DOCK8: variants seen among roughly 807,000 people sequenced by gnomAD.
DOCK8 encodes the protein dedicator of cytokinesis protein 8.
In DOCK8, 141 loss-of-function variants were observed where a neutral mutation model predicts 245.6. The observed-to-expected ratio is 0.57, with a 90% confidence interval of 0.50 to 0.66. The LOEUF (loss-of-function observed/expected upper bound fraction) is 0.66. DOCK8 is among the 30% of genes least tolerant of loss of function. The probability of loss-of-function intolerance (pLI) is 0.00; values close to 1 mark genes in which losing one functional copy is unlikely to be tolerated. For synonymous variants in DOCK8, 1,168 were observed against 970.2 expected (o/e 1.20, Z -3.79); for missense variants, 2,965 against 2,603.4 (o/e 1.14, Z -3.02).
At chr9:389,108 G>A (rs1013939577) in intron 23 of DOCK8, among the ~76,000 whole-genome samples, 3 of 152,166 alleles carry the variant, frequency 2.0e-5, no homozygotes, top group African/African-American at 7.2e-5. Context: ...TAATTAGGGT[G>A]ACCAACTGTT....
intron 43 of DOCK8, among the ~76,000 whole-genome samples, chr9:445,721 A>G (rs1468152879): frequency 7.6e-6 from 1 of 132,202 alleles, no homozygotes; most frequent in Non-Finnish European, 1.6e-5. Context: ...CACTGGAGTG[A>G]CATTTGGGTT....
intron 4 of DOCK8, among the ~76,000 whole-genome samples, chr9:295,330 G>T (rs74660531): frequency 1.3e-5 from 2 of 152,110 alleles, no homozygotes; most frequent in African/African-American, 4.8e-5. Flanking sequence ...TGCCCTTTGC[G>T]TGGTGCTGGG....
At chr9:401,024 TCCTTCA>T (rs2055060543) in intron 26 of DOCK8, among the ~76,000 whole-genome samples, 6 of 92,334 alleles carry the variant, frequency 6.5e-5, no homozygotes, top group Non-Finnish European at 1.1e-4. Context: ...CATGACCACC[TCCTTCA>T]CCTCCACCAT....
intron 12 of DOCK8, 41 bp from the exon 13 acceptor site, chr9:338,965 C>A: frequency 1.3e-6 from 2 of 1,560,088 alleles, no homozygotes; most frequent in South Asian, 1.1e-5. Context: ...ACCCAAGAGT[C>A]AAAGGTGCAT....
intron 14 of DOCK8, among the ~76,000 whole-genome samples, chr9:354,349 T>G (rs2052323181): frequency 6.6e-6 from 1 of 152,200 alleles, no homozygotes; most frequent in Non-Finnish European, 1.5e-5. Context: ...ATTATGTCCT[T>G]AGACCAGGAG....
chr9:345,523 C>T (rs1208529689), intron 14 of DOCK8, among the ~76,000 whole-genome samples: 2 of 152,156 alleles, frequency 1.3e-5, no homozygotes, highest in Admixed American at 1.3e-4. Context: ...ACCAGAGTCA[C>T]ACATTTTAGG....
chr9:339,173 G>T, intron 13 of DOCK8, 74 bp downstream of exon 13: 1 of 1,255,648 alleles, frequency 8.0e-7, no homozygotes, highest in Non-Finnish European at 1.2e-6. Context: ...TTTGTCTAAT[G>T]CCAGAATTTA....
chr9:406,993 G>C lies in DOCK8; in HGVS notation c.3454G>C (p.Glu1152Gln). Reference sequence around the variant, plus strand: ...CGCCAGCATGTTCGATCTGACTTCCGAGTACCGCCAGCAGCACTTCCTCAC... The same window carrying C: ...CGCCAGCATGTTCGATCTGACTTCCCAGTACCGCCAGCAGCACTTCCTCAC... ...KIASMFDLTS[E>Q]YRQQHFLTGL... Residue 1152 changes from glutamate to glutamine, a missense_variant, in exon 28 of 48, where the codon GAG becomes CAG. Glu to Gln is a conservative substitution (Grantham distance 29, BLOSUM62 2). Transcript: ENST00000432829. The C allele has an allele frequency of 6.2e-7, 1 of 1,614,100 alleles. No individual in the cohort carries two copies. The highest frequency in any genetic ancestry group is 8.5e-7 in the Non-Finnish European group (1 of 1,180,028).
chr9:229,278 C>T (rs138596713), intron 1 of DOCK8, among the ~76,000 whole-genome samples: 1 of 152,178 alleles, frequency 6.6e-6, no homozygotes, highest in African/African-American at 2.4e-5. Flanking sequence ...CTACGTATAT[C>T]ACAATACCCA....
At chr9:301,728 A>G (rs2049553692) in intron 4 of DOCK8, among the ~76,000 whole-genome samples, 1 of 152,246 alleles carries the variant, frequency 6.6e-6, no homozygotes, top group South Asian at 2.1e-4. Context: ...GGGCCAAATC[A>G]AGAATGCAAT....
In DOCK8 at chr9:400,019, C is replaced by T. The variant is rs377123756; in HGVS notation, c.3234+760C>T. 2.1e-3 allele frequency among the ~76,000 whole-genome samples: 267 copies of T among 126,066 alleles called. 3 individuals carry two copies. The highest frequency in any genetic ancestry group is 8.0e-3 in the East Asian group (30 of 3,758). 82.7% of individuals were successfully genotyped at this position (126,066 alleles called of 152,430 possible). A position where few individuals can be genotyped will look rare whatever the true frequency, so the allele number is the denominator to read the frequency against. ...ACCTCCACCACCTCCACCATCACCA[C>T]CACCTCCACCATCACCACCACCACC... On this transcript the variant is annotated intron_variant, in intron 26 of 47. Transcript: ENST00000432829.
intron 2 of DOCK8, chr9:277,110 A>G (rs940642937): frequency 6.1e-5 from 11 of 180,230 alleles, no homozygotes; most frequent in Non-Finnish European, 1.4e-4. Flanking sequence ...CACCCGGCCT[A>G]TTTTCTGATT....
intron 1 of DOCK8, among the ~76,000 whole-genome samples, chr9:258,284 C>G (rs1412394379): frequency 1.3e-5 from 2 of 152,196 alleles, no homozygotes; most frequent in African/African-American, 4.8e-5. Context: ...AATTCACTGC[C>G]TTGGCCAGCA....
chr9:429,592 A>T, intron 35 of DOCK8, 110 bp from the exon 36 acceptor site: 2 of 1,321,570 alleles, frequency 1.5e-6, no homozygotes, highest in Non-Finnish European at 2.2e-6. Context: ...ATAATGCATT[A>T]ACTCTTCTAG....
At chr9:212,075 T>G (rs1042329049), upstream of DOCK8, among the ~76,000 whole-genome samples, 2 of 152,226 alleles carry the variant, frequency 1.3e-5, no homozygotes, top group Non-Finnish European at 2.9e-5. Context: ...TCAAGTCACT[T>G]AACTTCTCTA....
rs771064081 is a variant in DOCK8, at chr9:382,645, C to T, written c.2738C>T (p.Ser913Phe). The T allele has an allele frequency of 6.2e-7, 1 of 1,614,200 alleles. No homozygotes were observed. ...AACCCAGACCTCGCGGGGACACACT[C>T]CGCAGCAGACGAGGAAGTGAAGAAC... ...SSNPDLAGTH[S>F]AADEEVKNIM... Residue 913 changes from serine to phenylalanine, a missense_variant, in exon 22 of 48, where the codon TCC becomes TTC. By Grantham distance (155) the Ser-to-Phe change is radical. Transcript: ENST00000432829.
At chr9:301,799 A>G (rs375815142) in intron 4 of DOCK8, among the ~76,000 whole-genome samples, 8 of 152,348 alleles carry the variant, frequency 5.3e-5, no homozygotes, top group African/African-American at 1.7e-4. Flanking sequence ...AGGAGGTGAA[A>G]GATCTCTACA....
chr9:338,913 A>T, intron 12 of DOCK8, 93 bp from the exon 13 acceptor site: 1 of 1,017,866 alleles, frequency 9.8e-7, no homozygotes, highest in South Asian at 1.3e-5. Context: ...TGTGAGAATA[A>T]AACTTAAAGG....
intron 18 of DOCK8, among the ~76,000 whole-genome samples, chr9:372,500 A>G (rs951679464): frequency 2.6e-5 from 4 of 152,186 alleles, no homozygotes; most frequent in African/African-American, 9.7e-5. Flanking sequence ...ACCTACACCC[A>G]AGGCAGCATA....
Sources: allele counts gnomAD v4.1 joint callset (sites outside exome capture counted in the v4.1 genomes callset), GRCh38; gene constraint gnomAD v4.1.1; transcripts MANE v1.5; gene names NCBI Gene and HGNC (gene_info 2026-07-23, HGNC 2026-07-21).